Variants in RBM47 observed in about 807,000 individuals in gnomAD.
RBM47 encodes the protein RNA binding motif protein 47.
In RBM47, 21 loss-of-function variants were observed where a neutral mutation model predicts 47.1. The ratio of observed to expected loss-of-function variants is 0.45; its 90% CI spans 0.32 to 0.64. RBM47 has a LOEUF of 0.64. Ranked by LOEUF, RBM47 falls within the 30% of genes least tolerant of loss-of-function variation. RBM47 has a pLI of 0.05. For synonymous variants in RBM47, 375 were observed against 361.7 expected, an observed-to-expected ratio of 1.04 and a Z score of -0.42; for missense variants, 708 against 870.9, an observed-to-expected ratio of 0.81 and a Z score of 2.35.
chr4:40,580,076 A>T (rs1732737695), intron 1 of RBM47, among the ~76,000 whole-genome samples: 1 of 152,056 alleles, frequency 6.6e-6, no homozygotes, highest in African/African-American at 2.4e-5. Context: ...GAGGATTTAT[A>T]AATTCGAATT....
intron 1 of RBM47, among the ~76,000 whole-genome samples, chr4:40,546,123 T>C (rs1176070942): frequency 6.6e-6 from 1 of 152,184 alleles, no homozygotes; most frequent in Non-Finnish European, 1.5e-5. Flanking sequence ...TAATATTCTC[T>C]AACAATTCAG....
rs1737980810 is a variant in RBM47, at chr4:40,628,923, G to C, written c.-240+473C>G. On this transcript the variant is annotated intron_variant, in intron 1 of 6. Transcript: ENST00000295971. This position sits in a 1 kb window ranked among gnomAD's most constrained non-coding sequence, Gnocchi z 4.0. ...TTTCTACAGGCTGAATTTTTAATTT[G>C]AAACAACTACACCTCTACCGAGTGT... Among the ~76,000 whole-genome samples, 3 of 152,030 alleles carry C rather than the reference G, an allele frequency of 2.0e-5. No homozygotes were observed. Among genetic ancestry groups the C allele is most frequent in the African/African-American group, 7.3e-5 (3 of 41,372 alleles).
chr4:40,537,675 C>T (rs1215065855), intron 2 of RBM47, among the ~76,000 whole-genome samples: 1 of 152,126 alleles, frequency 6.6e-6, no homozygotes, highest in Non-Finnish European at 1.5e-5. Flanking sequence ...TACACTCTAC[C>T]AAAAACCATT....
intron 3 of RBM47, among the ~76,000 whole-genome samples, chr4:40,464,676 G>T (rs1282192628): frequency 6.6e-6 from 1 of 151,636 alleles, no homozygotes; most frequent in Non-Finnish European, 1.5e-5. Context: ...GAGGCGGGAG[G>T]ATCACGAGGT....
At chr4:40,603,786 G>A (rs1735493164) in intron 1 of RBM47, among the ~76,000 whole-genome samples, 1 of 152,052 alleles carries the variant, frequency 6.6e-6, no homozygotes, top group Non-Finnish European at 1.5e-5. Context: ...ATTTTTTGTA[G>A]AGACGGGGTT....
intron 2 of RBM47, among the ~76,000 whole-genome samples, chr4:40,500,811 T>C (rs149701137): frequency 9.9e-5 from 15 of 151,758 alleles, no homozygotes; most frequent in Admixed American, 2.0e-4. Context: ...TCTCAATACA[T>C]TTAAAACCTG....
chr4:40,626,102 C>T (rs1354167784), intron 1 of RBM47, among the ~76,000 whole-genome samples: 1 of 152,186 alleles, frequency 6.6e-6, no homozygotes, highest in Non-Finnish European at 1.5e-5. Flanking sequence ...AAACCATATG[C>T]ATCTAGACAC....
In RBM47 at chr4:40,538,472, G is replaced by A. The variant is rs549848276; in HGVS notation, c.-155+5950C>T. ...CTCCCAAGTAGCTGGGACTAGAGGC[G>A]CACGTCACCACGGCCAGCTAATTTT... On this transcript the variant is annotated intron_variant, in intron 2 of 6. Transcript: ENST00000295971. 2.7e-4 allele frequency among the ~76,000 whole-genome samples: 41 copies of A among 151,952 alleles called. 1 individual carries two copies. The highest frequency in any genetic ancestry group is 8.2e-4 in the African/African-American group (34 of 41,454).
chr4:40,528,949 A>AAAAATAAATAAAT (rs1553896751), intron 2 of RBM47, among the ~76,000 whole-genome samples: 1 of 88,596 alleles, frequency 1.1e-5, no homozygotes, highest in African/African-American at 4.9e-5. Context: ...TCTCAAAAAA[A>AAAAATAAATAAAT]AAATAAATAA....
chr4:40,564,797 G>A (rs1730945272), intron 1 of RBM47, among the ~76,000 whole-genome samples: 1 of 152,178 alleles, frequency 6.6e-6, no homozygotes, highest in African/African-American at 2.4e-5. Flanking sequence ...CAAGACCTCA[G>A]GCCCTACCGA....
intron 2 of RBM47, among the ~76,000 whole-genome samples, chr4:40,500,895 C>T (rs1242641398): frequency 6.6e-6 from 1 of 152,126 alleles, no homozygotes; most frequent in Non-Finnish European, 1.5e-5. Context: ...TGACCATGGT[C>T]GTGACATTCT....
At chr4:40,476,795 C>T (rs1188316460) in intron 2 of RBM47, among the ~76,000 whole-genome samples, 1 of 152,070 alleles carries the variant, frequency 6.6e-6, no homozygotes, top group Non-Finnish European at 1.5e-5. Context: ...TGCAGCACAT[C>T]AAGAGAGGAA....
At chr4:40,605,911 A>G (rs2154278276) in intron 1 of RBM47, among the ~76,000 whole-genome samples, 1 of 152,186 alleles carries the variant, frequency 6.6e-6, no homozygotes, top group East Asian at 1.9e-4. Flanking sequence ...GATTTTAGTA[A>G]AACAAAAGTG....
chr4:40,625,272 A>G (rs749066459), intron 1 of RBM47, among the ~76,000 whole-genome samples: 24 of 152,172 alleles, frequency 1.6e-4, no homozygotes, highest in Non-Finnish European at 2.5e-4. Context: ...TAGGAATTAA[A>G]TTGATCTAAG....
chr4:40,539,364 C>A (rs374088940), intron 2 of RBM47, among the ~76,000 whole-genome samples: 1 of 152,070 alleles, frequency 6.6e-6, no homozygotes, highest in Non-Finnish European at 1.5e-5. Context: ...CTCATATGGA[C>A]CACATGAGTT....
At chr4:40,487,685 C>G (rs760094609) in intron 2 of RBM47, among the ~76,000 whole-genome samples, 1 of 152,036 alleles carries the variant, frequency 6.6e-6, no homozygotes, top group Non-Finnish European at 1.5e-5. Flanking sequence ...GTAAGCATAG[C>G]TACACAAAGA....
intron 1 of RBM47, among the ~76,000 whole-genome samples, chr4:40,594,439 G>A (rs1209858860): frequency 1.3e-5 from 2 of 152,180 alleles, no homozygotes; most frequent in African/African-American, 4.8e-5. Flanking sequence ...TGACGACACA[G>A]CTTGGTCTCG....
rs557887873 is a variant in RBM47, at chr4:40,573,579, C to CA, written c.-239-29074dup. 2.8e-3 allele frequency among the ~76,000 whole-genome samples: 429 copies of CA among 151,700 alleles called. 10 individuals carry two copies. In the East Asian group the frequency reaches 0.036, roughly 13 times the overall value. ...CCAACATGGTGAAACCCCATCTCTA[C>CA]AAAAAATACAAAAATTAGCTGGGCA... is the stretch of plus-strand genomic sequence containing the variant. On this transcript the variant is annotated intron_variant, in intron 1 of 6. Coordinates refer to ENST00000295971, the MANE Select transcript of RBM47 (RefSeq NM_001098634.2).
intron 1 of RBM47, among the ~76,000 whole-genome samples, chr4:40,588,704 C>T (rs1215528431): frequency 2.0e-5 from 3 of 152,002 alleles, no homozygotes; most frequent in Admixed American, 1.3e-4. Flanking sequence ...TAGTAATGAG[C>T]CATTACAAGT....
Sources: allele counts gnomAD v4.1 joint callset (sites outside exome capture counted in the v4.1 genomes callset), GRCh38; gene constraint gnomAD v4.1.1; non-coding constraint Gnocchi (gnomAD v3.1); transcripts MANE v1.5; gene names NCBI Gene and HGNC (gene_info 2026-07-23, HGNC 2026-07-21).